Variants in KATNIP observed in about 807,000 individuals in gnomAD.
KATNIP encodes katanin interacting protein.
In KATNIP, 126 loss-of-function variants were observed where a neutral mutation model predicts 174.0. The observed-to-expected ratio is 0.72, with a 90% CI of 0.63 to 0.84. The LOEUF is 0.84. KATNIP is among the 40% of genes least tolerant of loss of function. The pLI is 0.00. For synonymous variants in KATNIP, 810 were observed against 835.7 expected (o/e 0.97, Z 0.53); for missense variants, 1,958 against 2,109.7 (o/e 0.93, Z 1.41).
At chr16:27,596,946 C>T (rs1007446596) in intron 2 of KATNIP, among the ~76,000 whole-genome samples, 2 of 152,096 alleles carry the variant, frequency 1.3e-5, no homozygotes, top group African/African-American at 4.8e-5. Context: ...TCACTTGAAC[C>T]CGGAAGACAG....
intron 13 of KATNIP, among the ~76,000 whole-genome samples, chr16:27,716,333 G>A (rs996527118): frequency 6.6e-6 from 1 of 152,218 alleles, no homozygotes; most frequent in Non-Finnish European, 1.5e-5. Flanking sequence ...GCTAATGAAT[G>A]TGGTTATCTT....
intron 3 of KATNIP, among the ~76,000 whole-genome samples, chr16:27,624,022 C>G (rs532562566): frequency 6.4e-4 from 98 of 152,268 alleles, no homozygotes; most frequent in African/African-American, 2.3e-3. Flanking sequence ...CCGGCACCTC[C>G]CTGGGCTGCC....
At chr16:27,595,710 A>G (rs2075314507) in intron 2 of KATNIP, among the ~76,000 whole-genome samples, 1 of 152,204 alleles carries the variant, frequency 6.6e-6, no homozygotes, top group Non-Finnish European at 1.5e-5. Context: ...CTGGAGGCAG[A>G]CACTAAGCAA....
At chr16:27,639,195 A>G (rs149736755) in intron 5 of KATNIP, among the ~76,000 whole-genome samples, 160 of 152,304 alleles carry the variant, frequency 1.1e-3, no homozygotes, top group Non-Finnish European at 2.0e-3. Context: ...CCTGGCCAAG[A>G]AGCCGATGAC....
intron 2 of KATNIP, among the ~76,000 whole-genome samples, chr16:27,582,018 A>G (rs1411352011): frequency 1.3e-5 from 2 of 152,130 alleles, no homozygotes; most frequent in Non-Finnish European, 2.9e-5. Flanking sequence ...TTGGTTCCAC[A>G]TTGCAATTGT....
chr16:27,723,906 AC>A (rs1350470586), intron 14 of KATNIP, among the ~76,000 whole-genome samples: 3 of 151,894 alleles, frequency 2.0e-5, no homozygotes, highest in African/African-American at 7.3e-5. Flanking sequence ...CGTCGTGAGC[AC>A]CTGTCAGTTG....
At chr16:27,757,143 A>G (rs1036289974) in intron 18 of KATNIP, among the ~76,000 whole-genome samples, 4 of 152,166 alleles carry the variant, frequency 2.6e-5, no homozygotes, top group African/African-American at 9.7e-5. Flanking sequence ...AGAGTGCAGT[A>G]GTGCAAACAC....
intron 18 of KATNIP, among the ~76,000 whole-genome samples, chr16:27,758,551 G>A (rs1020965168): frequency 1.3e-5 from 2 of 152,164 alleles, no homozygotes; most frequent in Admixed American, 6.5e-5. Flanking sequence ...CCATTGCAAA[G>A]AGAGGAAAAT....
At chr16:27,553,527 C>G (rs952253029) in intron 1 of KATNIP, among the ~76,000 whole-genome samples, 5 of 152,154 alleles carry the variant, frequency 3.3e-5, no homozygotes, top group African/African-American at 1.2e-4. Flanking sequence ...TTAAGAATGT[C>G]CTGATGGTTG....
At chr16:27,731,508 C>T (rs2080682330) in intron 14 of KATNIP, among the ~76,000 whole-genome samples, 2 of 152,228 alleles carry the variant, frequency 1.3e-5, no homozygotes, top group South Asian at 2.1e-4. Context: ...CAGTTACCAG[C>T]TCCATTTTAC....
intron 2 of KATNIP, among the ~76,000 whole-genome samples, chr16:27,611,892 C>A (rs1013677140): frequency 6.6e-6 from 1 of 152,102 alleles, no homozygotes; most frequent in African/African-American, 2.4e-5. Flanking sequence ...ATACTAATTG[C>A]AGGCTTTCAG....
chr16:27,704,841 A>C (rs1425895005), intron 12 of KATNIP, among the ~76,000 whole-genome samples: 2 of 151,938 alleles, frequency 1.3e-5, no homozygotes, highest in African/African-American at 4.8e-5. Flanking sequence ...AAAATACAAA[A>C]GGGAACTGTG....
intron 6 of KATNIP, among the ~76,000 whole-genome samples, chr16:27,661,927 T>TAC (rs1236146252): frequency 3.6e-5 from 2 of 54,968 alleles, no homozygotes; most frequent in Non-Finnish European, 3.3e-5. Context: ...TATATATATA[T>TAC]ATATATATAT....
chr16:27,747,543 C>T, intron 15 of KATNIP, among the ~76,000 whole-genome samples: 1 of 152,180 alleles, frequency 6.6e-6, no homozygotes, highest in East Asian at 1.9e-4. Context: ...CATGTACATC[C>T]TTCCAGCTTC....
At chr16:27,771,330 T>C (rs1461274953) in intron 21 of KATNIP, among the ~76,000 whole-genome samples, 2 of 151,984 alleles carry the variant, frequency 1.3e-5, no homozygotes, top group African/African-American at 4.8e-5. Context: ...TAGGGTTGTG[T>C]TGAGGAATAA....
intron 18 of KATNIP, among the ~76,000 whole-genome samples, chr16:27,758,568 T>G (rs1179485890): frequency 1.3e-5 from 2 of 152,198 alleles, no homozygotes; most frequent in African/African-American, 4.8e-5. Context: ...AAATCCAGGC[T>G]TCTCGATATG....
At chr16:27,778,506 G>C (rs1026446251) in intron 27 of KATNIP, 68 bp from the exon 28 acceptor site, 8 of 1,502,994 alleles carry the variant, frequency 5.3e-6, no homozygotes, top group Non-Finnish European at 6.4e-6. Flanking sequence ...TTTCACTGGG[G>C]AGTGTGGGGC....
intron 8 of KATNIP, among the ~76,000 whole-genome samples, chr16:27,683,175 G>C (rs2078408504): frequency 6.6e-6 from 1 of 152,146 alleles, no homozygotes; most frequent in African/African-American, 2.4e-5. Context: ...CCCGGAGTTG[G>C]GATCTGTGCA....
intron 2 of KATNIP, among the ~76,000 whole-genome samples, chr16:27,598,057 G>A (rs575994411): frequency 1.7e-4 from 26 of 152,190 alleles, no homozygotes; most frequent in East Asian, 1.4e-3. Context: ...ACGAAAGCCC[G>A]TCTCTACAAA....
Sources: gnomAD v4.1 joint callset for allele counts (sites outside exome capture counted in the v4.1 genomes callset) on GRCh38, gnomAD v4.1.1 for gene constraint, MANE v1.5 for transcripts, NCBI Gene and HGNC (gene_info 2026-07-23, HGNC 2026-07-21) for gene names.